APAF1: variants seen among roughly 807,000 people sequenced by gnomAD.
APAF1 encodes apoptotic peptidase activating factor 1.
In APAF1, 91 loss-of-function variants were observed where a neutral mutation model predicts 152.4. The observed-to-expected ratio is 0.60, with a 90% CI of 0.50 to 0.71. The LOEUF (loss-of-function observed/expected upper bound fraction) is 0.71. Among genes scored for constraint, APAF1 ranks in the 30% least tolerant of loss-of-function variants. APAF1 has a pLI of 0.00. For missense variants in APAF1, 1,283 were observed against 1,472.0 expected (o/e 0.87, Z 2.10); for synonymous variants, 484 against 494.1 (o/e 0.98, Z 0.27).
At chr12:98,680,754 A>G (rs906168361) in intron 14 of APAF1, among the ~76,000 whole-genome samples, 1 of 152,132 alleles carries the variant, frequency 6.6e-6, no homozygotes, top group Non-Finnish European at 1.5e-5. Context: ...AAAAATGCCT[A>G]GGTTGATCAC....
chr12:98,723,136 C>T (rs1029061298), intron 22 of APAF1, 57 bp from the exon 23 acceptor site: 14 of 1,581,942 alleles, frequency 8.8e-6, no homozygotes, highest in Middle Eastern at 1.7e-4. Context: ...CTCTCCACCC[C>T]TCCAATGAGA....
intron 21 of APAF1, among the ~76,000 whole-genome samples, chr12:98,714,139 G>C (rs529683147): frequency 6.6e-6 from 1 of 152,112 alleles, no homozygotes; most frequent in African/African-American, 2.4e-5. Flanking sequence ...AAGAGTCCTT[G>C]GTTTCCCTTT....
At position 98,733,859 on chromosome 12, in the gene APAF1, A is replaced by C. The variant is rs758831215; in HGVS notation, c.*1293A>C. 6.6e-6 allele frequency: 1 copy of C among 152,212 alleles called. No individual in the cohort carries two copies. Among genetic ancestry groups the C allele is most frequent in the Non-Finnish European group, 1.5e-5 (1 of 68,030 alleles). The allele number at this position is 152,212 out of a possible 1,614,324, so 9.4% of individuals were successfully genotyped here. A position where few individuals can be genotyped will look rare whatever the true frequency, so the allele number is the denominator to read the frequency against. ...TCTGGACTCTAGTTGTCAGTATCTG[A>C]GTTGGACACTATTCCTGCTCCCTCT... On this transcript the variant is annotated 3_prime_UTR_variant, in exon 27 of 27. Transcript: ENST00000551964.
intron 22 of APAF1, among the ~76,000 whole-genome samples, chr12:98,720,921 C>T (rs1046986264): frequency 2.0e-5 from 3 of 151,924 alleles, no homozygotes; most frequent in Non-Finnish European, 4.4e-5. Flanking sequence ...GAGCTGAGAT[C>T]CCGCCACTAC....
chr12:98,646,790 A>G (rs374556081), intron 1 of APAF1, among the ~76,000 whole-genome samples: 1 of 152,332 alleles, frequency 6.6e-6, no homozygotes, highest in Admixed American at 6.5e-5. Flanking sequence ...AATTTGCATT[A>G]TATTTGAAAT....
intron 14 of APAF1, among the ~76,000 whole-genome samples, chr12:98,680,772 T>G (rs2097691402): frequency 6.6e-6 from 1 of 152,170 alleles, no homozygotes; most frequent in Non-Finnish European, 1.5e-5. Context: ...CACCTCAGGA[T>G]TAAACAAGCA....
chr12:98,716,914 G>A (rs1299559889), intron 22 of APAF1, among the ~76,000 whole-genome samples: 1 of 151,790 alleles, frequency 6.6e-6, no homozygotes, highest in African/African-American at 2.4e-5. Context: ...CACCCAGGCT[G>A]GAGTGCAGTG....
In APAF1 at chr12:98,727,376, A is replaced by G. The variant is rs573976579; in HGVS notation, c.3600+60A>G. Reference sequence around the variant, plus strand: ...TAGCCTATATCATACTTTCCAAGCTATTTTCACTTCCTGTTTCTCAGTTGG... The same window carrying G: ...TAGCCTATATCATACTTTCCAAGCTGTTTTCACTTCCTGTTTCTCAGTTGG... On this transcript the variant is annotated intron_variant, in intron 26 of 26. Transcript: ENST00000551964. 74 of 1,586,206 alleles carry G rather than the reference A, an allele frequency of 4.7e-5. No homozygotes were observed. In the African/African-American group the frequency reaches 6.6e-4, roughly 14 times the overall value.
chr12:98,692,608 A>C (rs1230580277), intron 16 of APAF1, among the ~76,000 whole-genome samples: 1 of 151,992 alleles, frequency 6.6e-6, no homozygotes, highest in Non-Finnish European at 1.5e-5. Context: ...TTGTGTACCC[A>C]ATGTTTAGCT....
At chr12:98,667,768 T>A (rs2097675091) in intron 10 of APAF1, 124 bp downstream of exon 10, 16 of 487,012 alleles carry the variant, frequency 3.3e-5, no homozygotes, top group East Asian at 1.9e-4. Flanking sequence ...CCATTTGATT[T>A]TTTTTTTTTT....
At chr12:98,654,183 G>C (rs1365073531) in intron 4 of APAF1, among the ~76,000 whole-genome samples, 1 of 152,130 alleles carries the variant, frequency 6.6e-6, no homozygotes, top group African/African-American at 2.4e-5. Flanking sequence ...TATTGTGATG[G>C]TTAGAGATTT....
chr12:98,659,273 C>G lies in APAF1; in HGVS notation c.640C>G (p.Gln214Glu). 6.2e-7 allele frequency: 1 copy of G among 1,614,162 alleles called. No individual in the cohort carries two copies. Among genetic ancestry groups the G allele is most frequent in the Non-Finnish European group, 8.5e-7 (1 of 1,180,032 alleles). ...GTTGGATCAGGATGAGAGTTTTTCC[C>G]AGAGGCTTCCACTTAATATTGAAGA... ...TRLDQDESFS[Q>E]RLPLNIEEAK... The change falls in exon 5 of 27, where the codon CAG (glutamine) becomes GAG (glutamate). Residue 214 changes from glutamine (Q) to glutamate (E), a missense_variant. Transcript: ENST00000551964.
At chr12:98,647,497 C>T (rs1385011373) in intron 1 of APAF1, among the ~76,000 whole-genome samples, 3 of 151,810 alleles carry the variant, frequency 2.0e-5, no homozygotes, top group African/African-American at 4.8e-5. Context: ...TTCAGCCTCC[C>T]GAGCAGCTGG....
intron 12 of APAF1, among the ~76,000 whole-genome samples, chr12:98,673,472 G>A (rs1320134333): frequency 2.7e-5 from 4 of 149,932 alleles, no homozygotes; most frequent in Non-Finnish European, 5.9e-5. Context: ...AAAAAACCTT[G>A]GGTCTGCCTG....
chr12:98,648,871 C>T, intron 3 of APAF1, 56 bp downstream of exon 3: 5 of 1,502,042 alleles, frequency 3.3e-6, no homozygotes, highest in Non-Finnish European at 4.6e-6. Context: ...TTGGGTTTGT[C>T]TTATTGTAGA....
intron 16 of APAF1, among the ~76,000 whole-genome samples, chr12:98,699,181 A>G (rs2097712660): frequency 6.6e-6 from 1 of 152,022 alleles, no homozygotes; most frequent in South Asian, 2.1e-4. Flanking sequence ...TTTTTATTTA[A>G]TTTTATGTTC....
Position 98,674,312 on chromosome 12 carries a change from A to G in APAF1, c.1793+2593A>G, listed in dbSNP as rs76975087. On this transcript the variant is annotated intron_variant, in intron 12 of 26. Coordinates refer to ENST00000551964, the MANE Select transcript of APAF1 (RefSeq NM_181861.2). ...CAGCAGGTTTTATTTTAAATAATAC[A>G]TTCCTGATTAAGACAAAAAACAATA... Among the ~76,000 whole-genome samples the G allele has an allele frequency of 5.9e-5, 9 of 152,322 alleles. No homozygotes were observed. The East Asian group carries it at 1.2e-3, about 20-fold the overall frequency.
chr12:98,653,674 AAAAAAAAAAAAAAAAAAATATATATAT>A (rs2097651880), intron 4 of APAF1, among the ~76,000 whole-genome samples: 1 of 67,664 alleles, frequency 1.5e-5, no homozygotes, highest in Admixed American at 1.7e-4. Flanking sequence ...AAAAAAAAAA[AAAAAAAAAAAAAAAAAAATATATATAT>A]ATATATATAT....
intron 12 of APAF1, among the ~76,000 whole-genome samples, chr12:98,676,857 C>T (rs1357072541): frequency 6.6e-6 from 1 of 152,112 alleles, no homozygotes; most frequent in Non-Finnish European, 1.5e-5. Flanking sequence ...GTTGGCCAGG[C>T]TGGTCTTGAA....
Sources: allele counts gnomAD v4.1 joint callset (sites outside exome capture counted in the v4.1 genomes callset), GRCh38; gene constraint gnomAD v4.1.1; transcripts MANE v1.5; gene names NCBI Gene and HGNC (gene_info 2026-07-23, HGNC 2026-07-21).